GLRA2: variants seen among roughly 807,000 people sequenced by gnomAD.
The protein encoded by GLRA2 is glycine receptor alpha 2.
GLRA2 carries 11 observed loss-of-function variants against 31.6 expected under a neutral mutation model. The observed-to-expected ratio is 0.35, with a 90% CI of 0.22 to 0.58. The LOEUF (loss-of-function observed/expected upper bound fraction) is 0.58, where lower values mean the gene tolerates loss of function less well. Among genes scored for constraint, GLRA2 ranks in the 20% least tolerant of loss-of-function variants. GLRA2 has a pLI of 0.84. For synonymous variants in GLRA2, 132 were observed against 134.0 expected, an observed-to-expected ratio of 0.99 and a Z score of 0.10; for missense variants, 212 against 351.8, an observed-to-expected ratio of 0.60 and a Z score of 3.18.
At chrX:14,632,702 C>T (rs1020991146) in intron 7 of GLRA2, among the ~76,000 whole-genome samples, 1 of 111,087 alleles carries the variant, frequency 9.0e-6, no homozygotes, top group Non-Finnish European at 1.9e-5. Flanking sequence ...GGACCTTATT[C>T]CCATCCAGCA....
chrX:14,462,239 C>T, the GLRA2 span, among the ~76,000 whole-genome samples: 5 of 111,811 alleles, frequency 4.5e-5, no homozygotes, highest in African/African-American at 1.6e-4. Context: ...ATGGGCTTCC[C>T]TTTGTGGGTA....
Position 14,661,455 on chromosome X carries a change from G to C in GLRA2, c.931-29255G>C, listed in dbSNP as rs530028707. On this transcript the variant is annotated intron_variant, in intron 7 of 8. Transcript: ENST00000218075. Reference sequence around the variant, plus strand: ...AAGCTGGATGATCAGAGTAACTAAAGTCTAAAGTAAAAGGTCAGGAATATT... The same window carrying C: ...AAGCTGGATGATCAGAGTAACTAAACTCTAAAGTAAAAGGTCAGGAATATT... 1.3e-4 allele frequency among the ~76,000 whole-genome samples: 15 copies of C among 111,584 alleles called. No individual in the cohort carries two copies. In the South Asian group the frequency reaches 5.7e-3, roughly 42 times the overall value.
chrX:14,485,142 G>A, the GLRA2 span, among the ~76,000 whole-genome samples: 9 of 111,864 alleles, frequency 8.0e-5, no homozygotes, highest in Non-Finnish European at 1.3e-4. Flanking sequence ...ACTCTTTCAC[G>A]TACCTTGTTC....
the GLRA2 span, among the ~76,000 whole-genome samples, chrX:14,491,898 C>T: frequency 1.8e-5 from 2 of 111,734 alleles, no homozygotes; most frequent in South Asian, 7.5e-4. Flanking sequence ...ATCATTGTGA[C>T]TCATGCCTAC....
At chrX:14,622,174 T>C (rs1274547524) in intron 7 of GLRA2, among the ~76,000 whole-genome samples, 1 of 112,386 alleles carries the variant, frequency 8.9e-6, no homozygotes, top group Non-Finnish European at 1.9e-5. Flanking sequence ...GAGAAGTGTC[T>C]GTTCATATCC....
chrX:14,525,581 A>G (rs1403512557), upstream of GLRA2, among the ~76,000 whole-genome samples: 1 of 111,730 alleles, frequency 9.0e-6, no homozygotes, highest in Non-Finnish European at 1.9e-5. Context: ...TTTATGTTAT[A>G]TAAATTTTAT....
intron 7 of GLRA2, among the ~76,000 whole-genome samples, chrX:14,612,964 TAAAGTA>T (rs1216305148): frequency 9.0e-6 from 1 of 110,554 alleles, no homozygotes; most frequent in African/African-American, 3.3e-5. Flanking sequence ...ACCCAGAACT[TAAAGTA>T]TAATAATAAT....
chrX:14,598,123 C>A (rs2090228645), intron 4 of GLRA2, among the ~76,000 whole-genome samples: 1 of 111,531 alleles, frequency 9.0e-6, no homozygotes, highest in Non-Finnish European at 1.9e-5. Flanking sequence ...GTGGTCCCAA[C>A]AGAGGAACAG....
At chrX:14,526,708 G>A (rs116748680), upstream of GLRA2, among the ~76,000 whole-genome samples, 423 of 112,172 alleles carry the variant, frequency 3.8e-3, no homozygotes, top group African/African-American at 0.013. Context: ...TTGACATGAA[G>A]AGTTTAAGCA....
intron 3 of GLRA2, among the ~76,000 whole-genome samples, chrX:14,580,771 A>G (rs1225542378): frequency 8.9e-6 from 1 of 111,950 alleles, no homozygotes; most frequent in African/African-American, 3.2e-5. Context: ...TGCCCAGAGC[A>G]TCTCAGCAGA....
At chrX:14,638,941 A>G (rs113160932) in intron 7 of GLRA2, among the ~76,000 whole-genome samples, 37 of 111,341 alleles carry the variant, frequency 3.3e-4, no homozygotes, top group East Asian at 2.3e-3. Flanking sequence ...TAGGCACTCA[A>G]TAAACACTTG....
rs552649495 is a variant in GLRA2, at chrX:14,575,039, A to C, written c.270+639A>C. On this transcript the variant is annotated intron_variant, in intron 3 of 8. Coordinates refer to ENST00000218075, the MANE Select transcript of GLRA2 (RefSeq NM_002063.4). ...ACACACACACACAATTTTGTTGACA[A>C]GAGAAAGTAGTCCCAAGTCCATAAC... Among the ~76,000 whole-genome samples, 17 of 110,090 alleles carry C rather than the reference A, an allele frequency of 1.5e-4. No individual in the cohort carries two copies. The South Asian group carries it at 6.7e-3, about 43-fold the overall frequency.
chrX:14,493,606 C>CATATATACATATATACATATATACAT, the GLRA2 span, among the ~76,000 whole-genome samples: 2 of 99,346 alleles, frequency 2.0e-5, no homozygotes, highest in African/African-American at 7.9e-5. Flanking sequence ...CATATATACA[C>CATATATACATATATACATATATACAT]ATATACACAT....
the GLRA2 span, among the ~76,000 whole-genome samples, chrX:14,450,903 GT>G: frequency 1.8e-4 from 20 of 111,049 alleles, no homozygotes; most frequent in African/African-American, 6.2e-4. Context: ...TAGAGATGAG[GT>G]TTTGCCTTGT....
upstream of GLRA2, among the ~76,000 whole-genome samples, chrX:14,527,604 A>G (rs1310461258): frequency 2.8e-5 from 3 of 106,754 alleles, no homozygotes. Flanking sequence ...ACAGAGTGAG[A>G]CTCCATCTCG....
At chrX:14,703,864 CTTTA>C (rs2091582483) in intron 8 of GLRA2, among the ~76,000 whole-genome samples, 1 of 111,911 alleles carries the variant, frequency 8.9e-6, no homozygotes, top group Admixed American at 9.5e-5. Flanking sequence ...TTCACACATC[CTTTA>C]TTGACTTTTC....
At chrX:14,536,032 G>A (rs1371253133) in intron 2 of GLRA2, among the ~76,000 whole-genome samples, 1 of 112,169 alleles carries the variant, frequency 8.9e-6, no homozygotes, top group Non-Finnish European at 1.9e-5. Context: ...ATAGAATCTA[G>A]AGTAGATAAT....
At chrX:14,683,538 G>A (rs1163647341) in intron 7 of GLRA2, among the ~76,000 whole-genome samples, 1 of 111,293 alleles carries the variant, frequency 9.0e-6, no homozygotes, top group Admixed American at 9.5e-5. Flanking sequence ...CTGTGCAGAA[G>A]CTCTTTAGTT....
chrX:14,586,390 T>C (rs1201809359), intron 4 of GLRA2, among the ~76,000 whole-genome samples: 1 of 112,506 alleles, frequency 8.9e-6, no homozygotes, highest in Non-Finnish European at 1.9e-5. Context: ...TCTAATGTTT[T>C]ATCTTACTCT....
Sources: allele counts gnomAD v4.1 joint callset (sites outside exome capture counted in the v4.1 genomes callset), GRCh38; gene constraint gnomAD v4.1.1; transcripts MANE v1.5; gene names NCBI Gene and HGNC (gene_info 2026-07-23, HGNC 2026-07-21).